RAI14: variants seen among roughly 807,000 people sequenced by gnomAD.
RAI14 encodes the protein retinoic acid induced 14.
In RAI14, 45 loss-of-function variants were observed where a neutral mutation model predicts 115.4. The ratio of observed to expected loss-of-function variants is 0.39; its 90% CI spans 0.31 to 0.50. The LOEUF (loss-of-function observed/expected upper bound fraction) is 0.50. RAI14 is among the 20% of genes least tolerant of loss of function. The probability of loss-of-function intolerance (pLI) is 0.85; values close to 1 mark genes in which losing one functional copy is unlikely to be tolerated. For missense variants in RAI14, 939 were observed against 1,131.2 expected (o/e 0.83, Z 2.44); for synonymous variants, 371 against 415.4 (o/e 0.89, Z 1.30).
Position 34,821,754 on chromosome 5 carries a change from A to G in RAI14, c.1017A>G (p.Ile339Met), listed in dbSNP as rs781406915. 2 of 1,609,788 alleles carry G rather than the reference A, an allele frequency of 1.2e-6. No individual in the cohort carries two copies. The highest frequency in any genetic ancestry group is 1.7e-6 in the Non-Finnish European group (2 of 1,176,584). The change falls in exon 14 of 18, where the codon ATA (isoleucine) becomes ATG (methionine). Residue 339 changes from isoleucine (I) to methionine (M), a missense_variant. Ile to Met is a conservative substitution (Grantham distance 10). Coordinates refer to ENST00000265109, the MANE Select transcript of RAI14 (RefSeq NM_015577.3). Reference sequence around the variant, plus strand: ...AAGGTGCTGATAGCTTATTGGATATAAGTTCTGAAGCTGACCAACAAGATC... The same window carrying G: ...AAGGTGCTGATAGCTTATTGGATATGAGTTCTGAAGCTGACCAACAAGATC... ...STTGADSLLD[I>M]SSEADQQDLL... is the part of the protein sequence containing the mutation.
chr5:34,817,047 G>A (rs1756314037), intron 12 of RAI14, among the ~76,000 whole-genome samples: 1 of 152,068 alleles, frequency 6.6e-6, no homozygotes, highest in African/African-American at 2.4e-5. Flanking sequence ...GGAGGCCAAA[G>A]CGGGTGGATC....
chr5:34,808,807 G>A (rs1755228541), intron 7 of RAI14, among the ~76,000 whole-genome samples, 153 bp downstream of exon 7: 1 of 152,172 alleles, frequency 6.6e-6, no homozygotes, highest in Non-Finnish European at 1.5e-5. Context: ...TCCATGGATG[G>A]GGGTGGGGAT....
At chr5:34,676,810 C>T (rs1744012698) in intron 1 of RAI14, among the ~76,000 whole-genome samples, 1 of 152,146 alleles carries the variant, frequency 6.6e-6, no homozygotes, top group Non-Finnish European at 1.5e-5. Flanking sequence ...CATTATGATA[C>T]AGTATCTAAA....
At chr5:34,711,071 C>A (rs989876084) in intron 2 of RAI14, among the ~76,000 whole-genome samples, 1 of 152,066 alleles carries the variant, frequency 6.6e-6, no homozygotes, top group African/African-American at 2.4e-5. Flanking sequence ...AATCCTAATG[C>A]CCAAGGTGAC....
chr5:34,797,637 G>C (rs1232474508), intron 4 of RAI14, among the ~76,000 whole-genome samples: 1 of 152,072 alleles, frequency 6.6e-6, no homozygotes, highest in African/African-American at 2.4e-5. Flanking sequence ...GGGGATAAAT[G>C]GTTTCCTTAA....
intron 3 of RAI14, among the ~76,000 whole-genome samples, chr5:34,779,118 A>C (rs1751277842): frequency 1.3e-5 from 2 of 152,346 alleles, no homozygotes; most frequent in Middle Eastern, 3.4e-3. Context: ...ACCAAGGACA[A>C]AAACCACATG....
chr5:34,670,465 T>C (rs936211923), intron 1 of RAI14, among the ~76,000 whole-genome samples: 3 of 152,220 alleles, frequency 2.0e-5, no homozygotes, highest in Admixed American at 2.0e-4. Context: ...TATAATAAAA[T>C]AATTTAAAAA....
At chr5:34,662,701 A>G (rs1327529919) in intron 1 of RAI14, among the ~76,000 whole-genome samples, 1 of 147,060 alleles carries the variant, frequency 6.8e-6, no homozygotes, top group Non-Finnish European at 1.5e-5. Flanking sequence ...TATTAGTAAA[A>G]TGTTGCACAA....
chr5:34,731,245 G>A (rs1744132494), intron 2 of RAI14, among the ~76,000 whole-genome samples: 1 of 151,914 alleles, frequency 6.6e-6, no homozygotes, highest in African/African-American at 2.4e-5. Context: ...TGTTTCTAAG[G>A]CCTTAAAATA....
intron 1 of RAI14, among the ~76,000 whole-genome samples, chr5:34,683,725 T>G (rs1744560176): frequency 6.6e-6 from 1 of 151,898 alleles, no homozygotes; most frequent in Non-Finnish European, 1.5e-5. Flanking sequence ...TGAAGGGCGA[T>G]TCCCACCTTT....
At chr5:34,805,362 C>A (rs1225475252) in intron 5 of RAI14, among the ~76,000 whole-genome samples, 3 of 152,086 alleles carry the variant, frequency 2.0e-5, no homozygotes, top group African/African-American at 4.8e-5. Flanking sequence ...TGCTGTGATC[C>A]CCATTACCTC....
chr5:34,765,119 T>A (rs1749190494), intron 3 of RAI14, among the ~76,000 whole-genome samples: 1 of 152,228 alleles, frequency 6.6e-6, no homozygotes, highest in African/African-American at 2.4e-5. Flanking sequence ...CCCAGCCATG[T>A]GGAACTGTAA....
chr5:34,771,909 T>C (rs1282575930), intron 3 of RAI14, among the ~76,000 whole-genome samples: 3 of 152,198 alleles, frequency 2.0e-5, no homozygotes, highest in Non-Finnish European at 4.4e-5. Flanking sequence ...TTTTTGTTTT[T>C]TGTTTTTTTG....
chr5:34,698,492 T>C (rs1337940048), intron 2 of RAI14, among the ~76,000 whole-genome samples: 2 of 151,836 alleles, frequency 1.3e-5, no homozygotes, highest in Non-Finnish European at 2.9e-5. Flanking sequence ...CAGTGCCAGG[T>C]TTGTGCCATT....
chr5:34,662,991 C>A (rs907016360), intron 1 of RAI14, among the ~76,000 whole-genome samples: 3 of 152,026 alleles, frequency 2.0e-5, no homozygotes, highest in Non-Finnish European at 2.9e-5. Flanking sequence ...CTGCCTTGGC[C>A]TCCCAAAGTG....
chr5:34,800,510 A>G (rs980561663), intron 4 of RAI14, among the ~76,000 whole-genome samples: 1 of 152,138 alleles, frequency 6.6e-6, no homozygotes, highest in Admixed American at 6.5e-5. Flanking sequence ...CGTCCAGAAA[A>G]TTTTGCATTT....
intron 8 of RAI14, 80 bp downstream of exon 8, chr5:34,811,198 T>G: frequency 6.8e-7 from 1 of 1,460,052 alleles, no homozygotes; most frequent in Non-Finnish European, 9.5e-7. Context: ...CACAGCTATA[T>G]TTTGGATCAT....
rs113229340 is a variant in RAI14, at chr5:34,776,974, G to A, written c.168-18965G>A. On this transcript the variant is annotated intron_variant, in intron 3 of 17. Transcript: ENST00000265109. ...ACTTGAGGTCAGAAGTTCGAGACCA[G>A]CCTGGCCAACATGGTGAAACCCCAT... Among the ~76,000 whole-genome samples, 755 of 152,184 alleles carry A rather than the reference G, an allele frequency of 5.0e-3. 7 individuals are homozygous for A. The highest frequency in any genetic ancestry group is 0.018 in the African/African-American group (729 of 41,526).
At chr5:34,830,035 G>A (rs1412454739) in intron 17 of RAI14, among the ~76,000 whole-genome samples, 1 of 152,110 alleles carries the variant, frequency 6.6e-6, no homozygotes, top group Non-Finnish European at 1.5e-5. Context: ...ATGCAGGCTG[G>A]AGTGTAATGG....
Sources: gnomAD v4.1 joint callset for allele counts (sites outside exome capture counted in the v4.1 genomes callset) on GRCh38, gnomAD v4.1.1 for gene constraint, MANE v1.5 for transcripts, NCBI Gene and HGNC (gene_info 2026-07-23, HGNC 2026-07-21) for gene names.